The following TLN2 variants were observed in gnomAD, a reference collection of about 807,000 sequenced individuals.
TLN2 encodes the protein talin-2.
In TLN2, 118 loss-of-function variants were observed where a neutral mutation model predicts 294.7. The observed-to-expected ratio is 0.40, with a 90% CI of 0.34 to 0.47. The LOEUF is 0.47. TLN2 is among the 20% of genes least tolerant of loss of function. The pLI, the probability that TLN2 is intolerant of heterozygous loss-of-function variation, is 0.84. For missense variants in TLN2, 3,083 were observed against 3,282.2 expected (o/e 0.94, Z 1.48); for synonymous variants, 1,431 against 1,304.5 (o/e 1.10, Z -2.09).
intron 21 of TLN2, among the ~76,000 whole-genome samples, chr15:62,710,981 C>T (rs2059396578): frequency 6.6e-6 from 1 of 152,040 alleles, no homozygotes; most frequent in Admixed American, 6.6e-5. Flanking sequence ...CCACCTCGGC[C>T]TCCCAAAGTG....
chr15:62,830,527 C>T (rs948649477), intron 54 of TLN2: 7 of 152,192 alleles, frequency 4.6e-5, no homozygotes, highest in Non-Finnish European at 1.0e-4. Flanking sequence ...CCTACCTTCT[C>T]CCCTATTCCA....
intron 43 of TLN2, 111 bp from the exon 44 acceptor site, chr15:62,781,029 A>C (rs2064120141): frequency 2.6e-6 from 2 of 776,056 alleles, no homozygotes; most frequent in Admixed American, 4.9e-5. Context: ...ACACTGGGCG[A>C]AAGAATCTCT....
rs966541641 is a variant in TLN2 at position 62,833,504 on chromosome 15, C to A, written c.7003C>A (p.Gln2335Lys). The change falls in exon 55 of 59, where the codon CAA becomes AAA. Residue 2335 changes from glutamine (Q) to lysine (K), a missense_variant and splice_region_variant. Physicochemically the swap from Gln to Lys is moderately conservative, Grantham distance 53. Coordinates refer to ENST00000636159, the MANE Select transcript of TLN2 (RefSeq NM_015059.3). ...EQLKPRAKPK[Q>K]ADETLDFEEQ... is the part of the protein sequence containing the mutation. ...TGATGCTGTTTTCTTTTGGTTATAG[C>A]AAGCGGATGAGACCCTGGACTTTGA... The A allele has an allele frequency of 8.1e-6, 13 of 1,613,246 alleles. No individual in the cohort carries two copies. The African/African-American group carries it at 1.6e-4, about 20-fold the overall frequency.
intron 1 of TLN2, among the ~76,000 whole-genome samples, chr15:62,414,152 C>CAAAAA (rs564398066): frequency 9.8e-5 from 5 of 51,068 alleles, no homozygotes; most frequent in African/African-American, 3.4e-4. Context: ...GAAGTGTTAG[C>CAAAAA]AAAAAAAAAA....
At chr15:62,809,601 G>A (rs1039392855) in intron 51 of TLN2, among the ~76,000 whole-genome samples, 2 of 152,168 alleles carry the variant, frequency 1.3e-5, no homozygotes, top group Admixed American at 6.5e-5. Flanking sequence ...CATGAATCTT[G>A]CCTGGATGTT....
chr15:62,430,800 T>C (rs2034971210), intron 1 of TLN2, among the ~76,000 whole-genome samples: 1 of 152,136 alleles, frequency 6.6e-6, no homozygotes, highest in African/African-American at 2.4e-5. Flanking sequence ...AATGTAGAAG[T>C]GTGAGTAATT....
chr15:62,446,582 CTT>C (rs1201584599), intron 1 of TLN2, among the ~76,000 whole-genome samples: 1 of 152,128 alleles, frequency 6.6e-6, no homozygotes, highest in African/African-American at 2.4e-5. Flanking sequence ...TTTTTTGTGA[CTT>C]TGGATGATCC....
intron 1 of TLN2, among the ~76,000 whole-genome samples, chr15:62,545,513 T>TG (rs1491238410): frequency 1.8e-4 from 26 of 147,740 alleles, no homozygotes; most frequent in African/African-American, 5.2e-4. Flanking sequence ...TTTCTTTCTC[T>TG]TTGTGTGTGT....
At chr15:62,833,339 C>A in intron 54 of TLN2, 165 bp from the exon 55 acceptor site, 2 of 1,061,170 alleles carry the variant, frequency 1.9e-6, no homozygotes, top group Non-Finnish European at 2.7e-6. Context: ...GCACAGGGGA[C>A]CTGTCATCTG....
At chr15:62,604,892 GCCTCCT>G (rs539174724) in intron 2 of TLN2, among the ~76,000 whole-genome samples, 4 of 151,300 alleles carry the variant, frequency 2.6e-5, no homozygotes, top group Non-Finnish European at 4.4e-5. Flanking sequence ...CGCTGCCGCC[GCCTCCT>G]CCTCCTCCTC....
intron 12 of TLN2, among the ~76,000 whole-genome samples, chr15:62,688,748 AATGTT>A (rs1567355520): frequency 6.6e-6 from 1 of 152,036 alleles, no homozygotes; most frequent in Non-Finnish European, 1.5e-5. Flanking sequence ...TTCCTTATGT[AATGTT>A]ATTTTCTGTT....
At chr15:62,650,022 G>A (rs2052405189) in intron 4 of TLN2, 62 bp from the exon 5 acceptor site, 1 of 1,545,292 alleles carries the variant, frequency 6.5e-7, no homozygotes, top group African/African-American at 1.4e-5. Context: ...CTCAGGGCCT[G>A]GAAGTCAGTG....
intron 1 of TLN2, among the ~76,000 whole-genome samples, chr15:62,562,937 C>CACACAG (rs2043089245): frequency 6.7e-6 from 1 of 148,614 alleles, no homozygotes; most frequent in African/African-American, 2.5e-5. Context: ...CACACACACA[C>CACACAG]ACACACACAC....
chr15:62,724,159 GA>G (rs1479368203), intron 26 of TLN2, among the ~76,000 whole-genome samples: 3 of 151,998 alleles, frequency 2.0e-5, no homozygotes, highest in Non-Finnish European at 4.4e-5. Context: ...CAAAAAAATA[GA>G]AAAAAGAGTG....
chr15:62,427,898 A>G (rs1443021960), intron 1 of TLN2, among the ~76,000 whole-genome samples: 1 of 152,184 alleles, frequency 6.6e-6, no homozygotes, highest in East Asian at 1.9e-4. Context: ...TCCTAGGGCT[A>G]GGCAGTGTCA....
chr15:62,741,748 C>CACGCGTGTGTGTGTGTGTGTGTGTGT (rs1555495620), intron 32 of TLN2, among the ~76,000 whole-genome samples: 2 of 131,072 alleles, frequency 1.5e-5, no homozygotes, highest in East Asian at 4.8e-4. Flanking sequence ...AAAATTTGCG[C>CACGCGTGTGTGTGTGTGTGTGTGTGT]GTGTGTGTGT....
In TLN2 at chr15:62,727,182, C is replaced by T. The variant is rs1346995703; in HGVS notation, c.3351C>T (p.His1117=). The part of the protein sequence containing the change: ...LLTCAAQGNE[H]YTGVAARETA... The stretch of plus-strand genomic sequence containing the variant: ...CCTGTGCTGCTCAAGGCAACGAACA[C>T]TACACAGGTGAGACCCACGCCCTTC... Residue 1117 remains histidine, a synonymous_variant, in exon 28 of 59, where the codon CAC becomes CAT. Coordinates refer to ENST00000636159, the MANE Select transcript of TLN2 (RefSeq NM_015059.3). 1.2e-6 allele frequency: 2 copies of T among 1,614,028 alleles called. No individual in the cohort carries two copies. The highest frequency in any genetic ancestry group is 1.6e-4 in the Middle Eastern group (1 of 6,084).
chr15:62,698,019 A>G (rs1268677836), intron 15 of TLN2, 151 bp downstream of exon 15: 1 of 1,027,704 alleles, frequency 9.7e-7, no homozygotes, highest in Non-Finnish European at 1.4e-6. Flanking sequence ...TTTAAATTGG[A>G]TGACTCGGAT....
intron 1 of TLN2, among the ~76,000 whole-genome samples, chr15:62,565,924 G>C (rs2043356051): frequency 1.3e-5 from 2 of 151,858 alleles, no homozygotes; most frequent in Non-Finnish European, 2.9e-5. Context: ...GTGTGTGTGT[G>C]TGTGTGTGTG....
Sources: gnomAD v4.1 joint callset for allele counts (sites outside exome capture counted in the v4.1 genomes callset) on GRCh38, gnomAD v4.1.1 for gene constraint, MANE v1.5 for transcripts, NCBI Gene and HGNC (gene_info 2026-07-23, HGNC 2026-07-21) for gene names.